The following PDE1A variants were observed in gnomAD, a reference collection of about 807,000 sequenced individuals.
PDE1A encodes the protein dual specificity calcium/calmodulin-dependent 3',5'-cyclic nucleotide phosphodiesterase 1A.
PDE1A carries 35 observed loss-of-function variants against 61.7 expected under a neutral mutation model. That is an observed-to-expected ratio of 0.57 (90% CI 0.43 to 0.75). The LOEUF (loss-of-function observed/expected upper bound fraction) is 0.75, where lower values mean the gene tolerates loss of function less well. Ranked by LOEUF, PDE1A falls within the 30% of genes least tolerant of loss-of-function variation. PDE1A has a pLI of 0.00. For missense variants in PDE1A, 597 were observed against 630.6 expected (o/e 0.95, Z 0.57); for synonymous variants, 232 against 213.2 (o/e 1.09, Z -0.77).
intron 8 of PDE1A, among the ~76,000 whole-genome samples, chr2:182,204,005 A>G (rs545157157): frequency 1.3e-5 from 2 of 152,290 alleles, no homozygotes; most frequent in South Asian, 4.1e-4. Flanking sequence ...AGAAACTTAG[A>G]CAATTACAGC....
At chr2:182,270,165 A>T (rs1372679079) in intron 1 of PDE1A, among the ~76,000 whole-genome samples, 1 of 152,172 alleles carries the variant, frequency 6.6e-6, no homozygotes, top group African/African-American at 2.4e-5. Flanking sequence ...CAGGACACAT[A>T]AAAGAAGACA....
intron 13 of PDE1A, among the ~76,000 whole-genome samples, chr2:182,149,144 G>A (rs568646149): frequency 6.6e-6 from 1 of 152,146 alleles, no homozygotes; most frequent in Non-Finnish European, 1.5e-5. Flanking sequence ...ACAGAACATA[G>A]TAAAAAGAAC....
At chr2:182,462,849 GAT>G (rs1263813694) in intron 2 of PDE1A, among the ~76,000 whole-genome samples, 1 of 152,122 alleles carries the variant, frequency 6.6e-6, no homozygotes, top group Non-Finnish European at 1.5e-5. Context: ...AAAAAGGGAT[GAT>G]GTTATTCACA....
intron 1 of PDE1A, among the ~76,000 whole-genome samples, chr2:182,317,789 G>A (rs112669571): frequency 0.016 from 2,412 of 152,044 alleles, 35 homozygotes; most frequent in South Asian, 0.068. Flanking sequence ...ATTCTGGGTG[G>A]GAAAATAAAT....
the PDE1A span, among the ~76,000 whole-genome samples, chr2:182,642,526 G>T: frequency 1.9e-3 from 291 of 152,232 alleles, 1 homozygote; most frequent in African/African-American, 6.8e-3. Context: ...AGGTCAGCGG[G>T]ATGCAGCGCT....
chr2:182,669,370 T>C, the PDE1A span, among the ~76,000 whole-genome samples: 2 of 152,376 alleles, frequency 1.3e-5, no homozygotes, highest in East Asian at 1.9e-4. Flanking sequence ...TCAAAGACTG[T>C]TCCCAGATGT....
At chr2:182,299,478 G>A (rs1472652362) in intron 1 of PDE1A, among the ~76,000 whole-genome samples, 1 of 146,628 alleles carries the variant, frequency 6.8e-6, no homozygotes, top group African/African-American at 2.6e-5. Flanking sequence ...TAGATGAAAT[G>A]GCAGAGATTA....
chr2:182,284,849 C>T (rs187769414), intron 1 of PDE1A, among the ~76,000 whole-genome samples: 1 of 152,118 alleles, frequency 6.6e-6, no homozygotes, highest in Non-Finnish European at 1.5e-5. Flanking sequence ...TTCCTTTCAT[C>T]TCACATTGAT....
chr2:182,187,458 A>T (rs183143332), intron 11 of PDE1A, among the ~76,000 whole-genome samples: 64 of 152,284 alleles, frequency 4.2e-4, no homozygotes, highest in Admixed American at 1.0e-3. Flanking sequence ...TGTTGGAAAC[A>T]CTTCTGAGAG....
intron 2 of PDE1A, among the ~76,000 whole-genome samples, chr2:182,435,135 T>A (rs1704145796): frequency 6.6e-6 from 1 of 152,000 alleles, no homozygotes; most frequent in Non-Finnish European, 1.5e-5. Context: ...TAGTGTAACA[T>A]TATATGAAAA....
At chr2:182,379,516 C>G (rs1473158696) in intron 1 of PDE1A, among the ~76,000 whole-genome samples, 1 of 152,164 alleles carries the variant, frequency 6.6e-6, no homozygotes, top group Non-Finnish European at 1.5e-5. Context: ...AGGGCTTGGA[C>G]AAGTTCCATC....
the PDE1A span, among the ~76,000 whole-genome samples, chr2:182,562,099 T>C: frequency 1.3e-5 from 2 of 151,146 alleles, no homozygotes; most frequent in Admixed American, 1.3e-4. Context: ...CTGTGTTGAA[T>C]AGGAGTGGTA....
intron 1 of PDE1A, among the ~76,000 whole-genome samples, chr2:182,326,418 C>T (rs1697051657): frequency 6.6e-6 from 1 of 152,074 alleles, no homozygotes; most frequent in Non-Finnish European, 1.5e-5. Context: ...TATGTTACAA[C>T]ATAGATAAAC....
At chr2:182,325,919 AAAAC>A (rs1457289407) in intron 1 of PDE1A, among the ~76,000 whole-genome samples, 9 of 152,230 alleles carry the variant, frequency 5.9e-5, no homozygotes, top group African/African-American at 2.2e-4. Context: ...ACTCCATCTC[AAAAC>A]AAACAAACAA....
upstream of PDE1A, among the ~76,000 whole-genome samples, chr2:182,524,819 G>A (rs918776646): frequency 2.0e-5 from 3 of 151,850 alleles, no homozygotes; most frequent in Non-Finnish European, 4.4e-5. Flanking sequence ...CAATTTGTAT[G>A]TCCCTCATTT....
At chr2:182,666,160 T>C in the PDE1A span, among the ~76,000 whole-genome samples, 3,827 of 152,248 alleles carry the variant, frequency 0.025, 132 homozygotes, top group African/African-American at 0.081. Context: ...CCATGTCACA[T>C]GCTTACCTAA....
chr2:182,597,045 CAA>C, the PDE1A span, among the ~76,000 whole-genome samples: 77 of 151,386 alleles, frequency 5.1e-4, 4 homozygotes, highest in East Asian at 0.014. Flanking sequence ...CCCAGCTGCT[CAA>C]GAGGCTGAGG....
chr2:182,517,871 C>T (rs968420904), intron 2 of PDE1A, among the ~76,000 whole-genome samples: 6 of 152,138 alleles, frequency 3.9e-5, no homozygotes, highest in Non-Finnish European at 7.4e-5. Context: ...AACTTCCCTA[C>T]GCAACTCCAA....
At chr2:182,481,579 T>C (rs1426165066) in intron 2 of PDE1A, among the ~76,000 whole-genome samples, 1 of 151,942 alleles carries the variant, frequency 6.6e-6, no homozygotes, top group Non-Finnish European at 1.5e-5. Flanking sequence ...AAGGAATTTA[T>C]AGGTTGGAAG....
Sources: allele counts gnomAD v4.1 joint callset (sites outside exome capture counted in the v4.1 genomes callset), GRCh38; gene constraint gnomAD v4.1.1; transcripts MANE v1.5; gene names NCBI Gene and HGNC (gene_info 2026-07-23, HGNC 2026-07-21).